The following PTPRG variants were observed in gnomAD, a reference collection of about 807,000 sequenced individuals.
The protein encoded by PTPRG is protein tyrosine phosphatase receptor type G, also known as receptor-type tyrosine-protein phosphatase gamma.
Under a neutral mutation model 165.3 loss-of-function variants are expected in PTPRG, and 102 were observed. The ratio of observed to expected loss-of-function variants is 0.62; its 90% CI spans 0.53 to 0.73. The LOEUF (loss-of-function observed/expected upper bound fraction) is 0.73, where lower values mean the gene tolerates loss of function less well. Among genes scored for constraint, PTPRG ranks in the 30% least tolerant of loss-of-function variants. The probability of loss-of-function intolerance (pLI) is 0.00; values close to 1 mark genes in which losing one functional copy is unlikely to be tolerated. For missense variants in PTPRG, 1,866 were observed against 1,861.4 expected (o/e 1.00, Z -0.05); for synonymous variants, 675 against 669.5 (o/e 1.01, Z -0.13).
intron 7 of PTPRG, among the ~76,000 whole-genome samples, chr3:62,164,677 G>A (rs998640242): frequency 3.9e-5 from 6 of 152,310 alleles, no homozygotes; most frequent in South Asian, 2.1e-4. Context: ...CTTTTAAACC[G>A]TAGCATGTCA....
chr3:61,736,811 A>T (rs542066159), intron 1 of PTPRG, among the ~76,000 whole-genome samples: 2 of 152,174 alleles, frequency 1.3e-5, no homozygotes, highest in African/African-American at 4.8e-5. Context: ...CAAAGCATAT[A>T]TTGGTTAAAA....
intron 6 of PTPRG, among the ~76,000 whole-genome samples, 172 bp from the exon 7 acceptor site, chr3:62,156,895 G>C (rs763161614): frequency 6.6e-6 from 1 of 152,130 alleles, no homozygotes; most frequent in Admixed American, 6.6e-5. Context: ...CCTGGGAAAT[G>C]CTGCTTTGTT....
chr3:62,281,889 A>G (rs1702464590), intron 27 of PTPRG, among the ~76,000 whole-genome samples, 180 bp downstream of exon 27: 1 of 152,000 alleles, frequency 6.6e-6, no homozygotes, highest in African/African-American at 2.4e-5. Context: ...CCAGCTGGCT[A>G]GATGAAATGT....
At chr3:61,801,653 G>C (rs2035246739) in intron 2 of PTPRG, among the ~76,000 whole-genome samples, 1 of 152,124 alleles carries the variant, frequency 6.6e-6, no homozygotes, top group Non-Finnish European at 1.5e-5. Flanking sequence ...CGCTTCTCAA[G>C]ACGGTTAGGG....
intron 2 of PTPRG, among the ~76,000 whole-genome samples, chr3:61,758,544 T>C (rs1339228731): frequency 6.6e-6 from 1 of 152,162 alleles, no homozygotes; most frequent in Non-Finnish European, 1.5e-5. Flanking sequence ...CTCTGCCTCC[T>C]GGGTTCAAAC....
chr3:61,702,283 A>G (rs1375895138), intron 1 of PTPRG, among the ~76,000 whole-genome samples: 2 of 152,168 alleles, frequency 1.3e-5, no homozygotes, highest in Non-Finnish European at 2.9e-5. Context: ...CTGGCCATGA[A>G]TAGTAGCCTG....
chr3:61,822,130 TG>T (rs1272201487), intron 2 of PTPRG, among the ~76,000 whole-genome samples: 2 of 152,238 alleles, frequency 1.3e-5, no homozygotes, highest in Admixed American at 1.3e-4. Flanking sequence ...ATTATGAGTT[TG>T]CTCAGTGAGT....
intron 28 of PTPRG, among the ~76,000 whole-genome samples, chr3:62,285,720 T>C (rs1196639374): frequency 1.3e-5 from 2 of 151,834 alleles, no homozygotes; most frequent in Admixed American, 6.6e-5. Context: ...TACATCATTA[T>C]TGTCAAATTT....
intron 1 of PTPRG, among the ~76,000 whole-genome samples, chr3:61,590,249 C>T (rs946093356): frequency 2.0e-5 from 3 of 149,510 alleles, no homozygotes; most frequent in African/African-American, 4.9e-5. Context: ...AGGCTGGGTG[C>T]GGTGGCTCAC....
At position 62,195,584 on chromosome 3, in the gene PTPRG, G is replaced by A. The variant is rs1008520563; in HGVS notation, c.1327+414G>A. On this transcript the variant is annotated intron_variant, in intron 10 of 29. Transcript: ENST00000474889. The surrounding 1 kb of genome is among the most constrained non-coding windows in gnomAD (Gnocchi z 4.4). ...CATAGCAGCTACACCTCACCCTTCC[G>A]ACTTGCAAGCCACACAAACAAGCGC... Among the ~76,000 whole-genome samples the A allele has an allele frequency of 6.6e-6, 1 of 151,952 alleles. No homozygotes were observed. Among genetic ancestry groups the A allele is most frequent in the Non-Finnish European group, 1.5e-5 (1 of 68,014 alleles).
chr3:61,891,179 G>A (rs560456401), intron 2 of PTPRG, among the ~76,000 whole-genome samples: 11 of 152,152 alleles, frequency 7.2e-5, no homozygotes, highest in East Asian at 1.9e-4. Context: ...TTAGCCAGGC[G>A]TTGTGGCATG....
At position 61,738,314 on chromosome 3, in the gene PTPRG, A is replaced by ATGTGTG. The variant is rs1559583418; in HGVS notation, c.86-10563_86-10562insGTGTGT. 3.6e-4 allele frequency among the ~76,000 whole-genome samples: 28 copies of ATGTGTG among 78,750 alleles called. 2 individuals carry two copies. Among genetic ancestry groups the ATGTGTG allele is most frequent in the Non-Finnish European group, 5.6e-4 (23 of 41,390 alleles). 51.7% of individuals were successfully genotyped at this position (78,750 alleles called of 152,430 possible). A position where few individuals can be genotyped will look rare whatever the true frequency, so the allele number is the denominator to read the frequency against. The stretch of plus-strand genomic sequence containing the variant: ...TATATATATATATATATATATATAC[A>ATGTGTG]TATATATATATATATATATATATGT... On this transcript the variant is annotated intron_variant, in intron 1 of 29. Coordinates refer to ENST00000474889, the MANE Select transcript of PTPRG (RefSeq NM_002841.4).
intron 1 of PTPRG, among the ~76,000 whole-genome samples, chr3:61,568,524 G>C (rs1339767687): frequency 2.0e-5 from 3 of 152,160 alleles, no homozygotes; most frequent in Non-Finnish European, 2.9e-5. Flanking sequence ...TTGGTGTTTT[G>C]ACAGAAAAAT....
Position 62,224,825 on chromosome 3 carries a change from C to T in PTPRG, c.2288+5842C>T, listed in dbSNP as rs913146593. Among the ~76,000 whole-genome samples the T allele has an allele frequency of 6.6e-6, 1 of 152,122 alleles. No individual in the cohort carries two copies. Among genetic ancestry groups the T allele is most frequent in the African/African-American group, 2.4e-5 (1 of 41,412 alleles). Reference sequence around the variant, plus strand: ...TAAAATGTTTTTAGCTGAGCTGTTTCAGGTAGGACACTATAGTTCTCCCTT... The same window carrying T: ...TAAAATGTTTTTAGCTGAGCTGTTTTAGGTAGGACACTATAGTTCTCCCTT... On this transcript the variant is annotated intron_variant, in intron 13 of 29. Transcript: ENST00000474889. The surrounding 1 kb of genome is among the most constrained non-coding windows in gnomAD (Gnocchi z 4.9).
chr3:61,807,538 CAG>C (rs2035452326), intron 2 of PTPRG, among the ~76,000 whole-genome samples: 1 of 152,162 alleles, frequency 6.6e-6, no homozygotes, highest in African/African-American at 2.4e-5. Context: ...AGGTCTTGAT[CAG>C]TGCAAGTTCC....
At chr3:61,945,855 C>G (rs2039747109) in intron 2 of PTPRG, among the ~76,000 whole-genome samples, 1 of 152,180 alleles carries the variant, frequency 6.6e-6, no homozygotes, top group Non-Finnish European at 1.5e-5. Flanking sequence ...TGGCAGCAGA[C>G]AAGACGGCTA....
chr3:62,266,792 T>TA (rs987251215), intron 17 of PTPRG, among the ~76,000 whole-genome samples: 11 of 147,946 alleles, frequency 7.4e-5, no homozygotes, highest in African/African-American at 2.3e-4. Flanking sequence ...TTTGCTATCC[T>TA]AAAAAAAACA....
chr3:62,113,914 A>C (rs531236810), intron 5 of PTPRG, among the ~76,000 whole-genome samples: 1 of 152,292 alleles, frequency 6.6e-6, no homozygotes, highest in Non-Finnish European at 1.5e-5. Flanking sequence ...GTAACTTCAG[A>C]TTGTCATCCT....
At chr3:61,931,293 GCTTAAAGGTTTATTA>G (rs1284731656) in intron 2 of PTPRG, among the ~76,000 whole-genome samples, 5 of 152,188 alleles carry the variant, frequency 3.3e-5, no homozygotes, top group African/African-American at 1.2e-4. Context: ...CAACAGTTCT[GCTTAAAGGTTTATTA>G]CTTGTTGTGG....
Sources: gnomAD v4.1 joint callset for allele counts (sites outside exome capture counted in the v4.1 genomes callset) on GRCh38, gnomAD v4.1.1 for gene constraint, Gnocchi (gnomAD v3.1) non-coding constraint, MANE v1.5 for transcripts, NCBI Gene and HGNC (gene_info 2026-07-23, HGNC 2026-07-21) for gene names.